Variants in THSD7A observed in about 807,000 individuals in gnomAD.
The protein encoded by THSD7A is thrombospondin type 1 domain containing 7A.
In THSD7A, 96 loss-of-function variants were observed where a neutral mutation model predicts 231.3. That is an observed-to-expected ratio of 0.41 (90% CI 0.35 to 0.49). The LOEUF is 0.49. Ranked by LOEUF, THSD7A falls within the 20% of genes least tolerant of loss-of-function variation. The pLI is 0.05. For missense variants in THSD7A, 2,290 were observed against 2,070.2 expected (o/e 1.11, Z -2.06); for synonymous variants, 940 against 743.3 (o/e 1.26, Z -4.30).
chr7:11,679,787 T>C (rs1207981756), intron 1 of THSD7A, among the ~76,000 whole-genome samples: 2 of 152,140 alleles, frequency 1.3e-5, no homozygotes, highest in Non-Finnish European at 2.9e-5. Context: ...AATTTATAGA[T>C]TTAATGCTAT....
chr7:11,417,903 T>C (rs567664436), intron 16 of THSD7A, among the ~76,000 whole-genome samples: 1 of 152,336 alleles, frequency 6.6e-6, no homozygotes, highest in South Asian at 2.1e-4. Context: ...TTATGCAAGC[T>C]TCCTCTGAAA....
chr7:11,778,023 G>T (rs1472655711), intron 1 of THSD7A, among the ~76,000 whole-genome samples: 1 of 149,068 alleles, frequency 6.7e-6, no homozygotes, highest in Non-Finnish European at 1.5e-5. Context: ...CGGGCGTAGT[G>T]GCGGGCGCCT....
At chr7:11,747,043 C>T (rs926753163) in intron 1 of THSD7A, among the ~76,000 whole-genome samples, 2 of 151,768 alleles carry the variant, frequency 1.3e-5, no homozygotes, top group African/African-American at 2.4e-5. Flanking sequence ...CATCAATTAC[C>T]GACCTCTTTA....
At chr7:11,672,083 G>C (rs1475778652) in intron 1 of THSD7A, among the ~76,000 whole-genome samples, 1 of 152,072 alleles carries the variant, frequency 6.6e-6, no homozygotes, top group East Asian at 1.9e-4. Flanking sequence ...TCTTGTTATA[G>C]TTGATAAAAT....
chr7:11,539,966 A>G (rs1356035593), intron 6 of THSD7A, among the ~76,000 whole-genome samples: 1 of 152,224 alleles, frequency 6.6e-6, no homozygotes, highest in East Asian at 1.9e-4. Flanking sequence ...TACGACCCTG[A>G]CTGTTTTTAC....
chr7:11,604,003 A>C (rs933136061), intron 2 of THSD7A, among the ~76,000 whole-genome samples: 1 of 151,850 alleles, frequency 6.6e-6, no homozygotes, highest in African/African-American at 2.4e-5. Flanking sequence ...CAATGTGCAC[A>C]TGTACCCTAA....
At chr7:11,673,478 T>G (rs1783490090) in intron 1 of THSD7A, among the ~76,000 whole-genome samples, 1 of 152,122 alleles carries the variant, frequency 6.6e-6, no homozygotes, top group Admixed American at 6.5e-5. Context: ...GCTTGGAAAT[T>G]GCAGGGACTG....
In THSD7A at chr7:11,460,774, C is replaced by T. The variant is rs769380340; in HGVS notation, c.2502-9G>A. The T allele has an allele frequency of 2.5e-6, 4 of 1,608,460 alleles. No individual in the cohort carries two copies. The South Asian group carries it at 4.5e-5, about 18-fold the overall frequency. ...ATTTGTGAGTCTTCCACCTACAAGA[C>T]AGGAACAGAAGCCCAGTGGGGAAGA... On this transcript the variant is annotated splice_polypyrimidine_tract_variant and intron_variant, in intron 10 of 27. Transcript: ENST00000423059.
chr7:11,746,440 T>G (rs147522838), intron 1 of THSD7A, among the ~76,000 whole-genome samples: 1 of 152,018 alleles, frequency 6.6e-6, no homozygotes, highest in East Asian at 2.0e-4. Context: ...TGCATTTTGT[T>G]GTCATATTTC....
intron 1 of THSD7A, among the ~76,000 whole-genome samples, chr7:11,743,752 A>T (rs1444001692): frequency 6.6e-6 from 1 of 151,872 alleles, no homozygotes; most frequent in African/African-American, 2.4e-5. Flanking sequence ...TGATAAATCA[A>T]TGTCTGAAAG....
chr7:11,522,466 T>C (rs555254693), intron 6 of THSD7A, among the ~76,000 whole-genome samples: 28 of 152,210 alleles, frequency 1.8e-4, no homozygotes, highest in Admixed American at 9.8e-4. Context: ...AAACATACTG[T>C]TTTTAAGTAC....
Position 11,462,077 on chromosome 7 carries a change from C to T in THSD7A, c.2435G>A (p.Arg812Gln), listed in dbSNP as rs762017455. The change falls in exon 10 of 28, where the codon CGA (arginine) becomes CAA (glutamine). Residue 812 changes from arginine to glutamine, a missense_variant. Coordinates refer to ENST00000423059, the MANE Select transcript of THSD7A (RefSeq NM_015204.3). ...VIIQLPANGGRDCTDPLYEEK... is the reference protein window; with the variant it reads ...VIIQLPANGGQDCTDPLYEEK... ...TTCATAGAGGGGATCTGTGCAGTCT[C>T]GGCCCCCGTTGGCTGGCAGCTGAAT... 135 of 1,613,708 alleles carry T rather than the reference C, an allele frequency of 8.4e-5. No individual in the cohort carries two copies. The highest frequency in any genetic ancestry group is 2.5e-4 in the East Asian group (11 of 44,882).
intron 1 of THSD7A, among the ~76,000 whole-genome samples, chr7:11,691,186 T>A (rs1342271459): frequency 6.6e-6 from 1 of 151,562 alleles, no homozygotes; most frequent in African/African-American, 2.4e-5. Flanking sequence ...ACTTGGTAAG[T>A]CTAGTGTTAG....
At chr7:11,681,770 A>T (rs1419195803) in intron 1 of THSD7A, among the ~76,000 whole-genome samples, 1 of 151,970 alleles carries the variant, frequency 6.6e-6, no homozygotes, top group Non-Finnish European at 1.5e-5. Flanking sequence ...GTCCTGTGAG[A>T]TACTAAGCAA....
At position 11,627,475 on chromosome 7, in the gene THSD7A, A is replaced by G. The variant is rs1781511214; in HGVS notation, c.1022+8655T>C. The stretch of plus-strand genomic sequence containing the variant: ...CATAATATAACACACATTTCCTGAG[A>G]AAACCTTCAATATTTAACAATTTTT... On this transcript the variant is annotated intron_variant, in intron 2 of 27. Transcript: ENST00000423059. 2.0e-5 allele frequency among the ~76,000 whole-genome samples: 3 copies of G among 152,094 alleles called. No individual in the cohort carries two copies. The South Asian group carries it at 6.2e-4, about 32-fold the overall frequency.
At chr7:11,458,257 G>A (rs561237711) in intron 11 of THSD7A, among the ~76,000 whole-genome samples, 44 of 152,114 alleles carry the variant, frequency 2.9e-4, no homozygotes, top group African/African-American at 9.9e-4. Flanking sequence ...AGAACTTGGC[G>A]AGTAAATAAT....
intron 1 of THSD7A, among the ~76,000 whole-genome samples, chr7:11,729,495 A>G (rs528441578): frequency 6.6e-6 from 1 of 151,932 alleles, no homozygotes; most frequent in South Asian, 2.1e-4. Context: ...TTTTAGAAAT[A>G]TTTAAAAATA....
chr7:11,518,015 G>C (rs973631124), intron 6 of THSD7A, among the ~76,000 whole-genome samples: 7 of 152,214 alleles, frequency 4.6e-5, no homozygotes, highest in African/African-American at 1.7e-4. Context: ...TGCAGAGACA[G>C]AAGGACCTGG....
At chr7:11,423,915 G>T (rs1784234247) in intron 16 of THSD7A, among the ~76,000 whole-genome samples, 6 of 152,208 alleles carry the variant, frequency 3.9e-5, no homozygotes, top group Admixed American at 3.3e-4. Flanking sequence ...GTGTTAGGCA[G>T]TAGGGAATTC....
Sources: gnomAD v4.1 joint callset for allele counts (sites outside exome capture counted in the v4.1 genomes callset) on GRCh38, gnomAD v4.1.1 for gene constraint, MANE v1.5 for transcripts, NCBI Gene and HGNC (gene_info 2026-07-23, HGNC 2026-07-21) for gene names.